Variants in GRIK1 observed in about 807,000 individuals in gnomAD.
GRIK1 encodes glutamate receptor ionotropic, kainate 1.
A neutral mutation model predicts 105.7 loss-of-function variants in GRIK1; 69 were observed. The observed-to-expected ratio is 0.65, with a 90% CI of 0.54 to 0.80. The LOEUF is 0.80. Among genes scored for constraint, GRIK1 ranks in the 30% least tolerant of loss-of-function variants. GRIK1 has a pLI of 0.00. For missense variants in GRIK1, 1,109 were observed against 1,167.3 expected, an observed-to-expected ratio of 0.95 and a Z score of 0.73; for synonymous variants, 438 against 431.3, an observed-to-expected ratio of 1.02 and a Z score of -0.19.
intron 1 of GRIK1, among the ~76,000 whole-genome samples, chr21:29,847,223 A>G (rs551131297): frequency 5.3e-5 from 8 of 151,498 alleles, no homozygotes; most frequent in African/African-American, 1.9e-4. Context: ...TCATTTTTCT[A>G]TTTTGCCTTC....
intron 3 of GRIK1, among the ~76,000 whole-genome samples, chr21:29,684,555 T>G (rs1025229879): frequency 6.6e-6 from 1 of 152,186 alleles, no homozygotes; most frequent in South Asian, 2.1e-4. Context: ...ACGCCCAGGC[T>G]GGAGTGCAGT....
chr21:29,591,279 C>T, intron 9 of GRIK1, 54 bp from the exon 10 acceptor site: 1 of 1,005,372 alleles, frequency 9.9e-7, no homozygotes. Flanking sequence ...GGCATTTACA[C>T]CAAAGAGAGG....
At chr21:29,578,503 G>A (rs867383388) in intron 13 of GRIK1, among the ~76,000 whole-genome samples, 23 of 152,272 alleles carry the variant, frequency 1.5e-4, no homozygotes, top group Middle Eastern at 3.4e-3. Context: ...ATCAGATCAA[G>A]GTCGCCAGAG....
chr21:29,718,069 G>C (rs1271380493), intron 1 of GRIK1, among the ~76,000 whole-genome samples: 1 of 152,118 alleles, frequency 6.6e-6, no homozygotes, highest in East Asian at 1.9e-4. Context: ...TGTGAAGAAG[G>C]ATGTGTTTGC....
intron 7 of GRIK1, among the ~76,000 whole-genome samples, chr21:29,620,802 T>TATAG (rs1555851180): frequency 0.017 from 2,117 of 127,356 alleles, 26 homozygotes; most frequent in South Asian, 0.035. Context: ...TCTATATATA[T>TATAG]ATAGATATAT....
intron 1 of GRIK1, among the ~76,000 whole-genome samples, chr21:29,806,467 A>G (rs1157386676): frequency 2.6e-5 from 4 of 152,094 alleles, no homozygotes; most frequent in Non-Finnish European, 5.9e-5. Context: ...TCATTTTGGC[A>G]TTATTTTCCC....
Position 29,838,002 on chromosome 21 carries a change from T to A in GRIK1, c.118+101381A>T, listed in dbSNP as rs1335574322. 2.6e-5 allele frequency among the ~76,000 whole-genome samples: 4 copies of A among 152,198 alleles called. No homozygotes were observed. In the East Asian group the frequency reaches 7.7e-4, roughly 29 times the overall value. ...AATAGGTTTGATTATACACTAAGAATCTGAAGAGGAAGATGGTTCAAAAAG... is the reference window on the plus strand; with the variant it reads ...AATAGGTTTGATTATACACTAAGAAACTGAAGAGGAAGATGGTTCAAAAAG... On this transcript the variant is annotated intron_variant, in intron 1 of 17. Coordinates refer to ENST00000327783, the MANE Select transcript of GRIK1 (RefSeq NM_001330994.2).
chr21:29,789,857 C>T (rs963435345), intron 1 of GRIK1, among the ~76,000 whole-genome samples: 1 of 151,998 alleles, frequency 6.6e-6, no homozygotes, highest in African/African-American at 2.4e-5. Context: ...TGTTTATTTC[C>T]GTGTTGTGAA....
At chr21:29,758,555 T>A (rs1477033815) in intron 1 of GRIK1, among the ~76,000 whole-genome samples, 1 of 152,182 alleles carries the variant, frequency 6.6e-6, no homozygotes, top group African/African-American at 2.4e-5. Context: ...CAATTCAAGA[T>A]GAGATTTGGG....
At chr21:29,608,836 G>T (rs968733050) in intron 7 of GRIK1, among the ~76,000 whole-genome samples, 1 of 152,040 alleles carries the variant, frequency 6.6e-6, no homozygotes, top group Non-Finnish European at 1.5e-5. Flanking sequence ...GGATATTAAG[G>T]TGTCACTTAG....
chr21:29,585,831 T>G (rs1305502888), intron 12 of GRIK1, among the ~76,000 whole-genome samples: 2 of 152,214 alleles, frequency 1.3e-5, no homozygotes, highest in African/African-American at 4.8e-5. Context: ...TTTTTAAAAA[T>G]TTTATACCCA....
chr21:29,538,401 G>A (rs1381387985), intron 16 of GRIK1, among the ~76,000 whole-genome samples: 1 of 152,134 alleles, frequency 6.6e-6, no homozygotes, highest in Non-Finnish European at 1.5e-5. Flanking sequence ...AATGGTAGTT[G>A]CCAAAGGCTG....
chr21:29,723,182 A>T (rs1420753072), intron 1 of GRIK1, among the ~76,000 whole-genome samples: 5 of 152,226 alleles, frequency 3.3e-5, no homozygotes, highest in African/African-American at 4.8e-5. Context: ...TAAAATTTAT[A>T]GTTTGGAAAT....
intron 1 of GRIK1, among the ~76,000 whole-genome samples, chr21:29,722,079 T>C (rs2064336796): frequency 6.6e-6 from 1 of 152,170 alleles, no homozygotes. Context: ...TTAGGTCTTA[T>C]TAAAATAAAT....
chr21:29,878,902 G>A lies in GRIK1; in HGVS notation c.118+60481C>T, dbSNP rs117806749. 8.3e-3 allele frequency among the ~76,000 whole-genome samples: 1,256 copies of A among 152,138 alleles called. 4 individuals carry two copies. Among genetic ancestry groups the A allele is most frequent in the Non-Finnish European group, 0.013 (870 of 67,970 alleles). On this transcript the variant is annotated intron_variant, in intron 1 of 17. Coordinates refer to ENST00000327783, the MANE Select transcript of GRIK1 (RefSeq NM_001330994.2). ...GGTCCTTTGTCATGGGCCCTCACCA[G>A]TCACCAAATTTGCCAGCGCCTTGAT... is the stretch of plus-strand genomic sequence containing the variant.
At chr21:29,805,278 C>G (rs1320091841) in intron 1 of GRIK1, among the ~76,000 whole-genome samples, 1 of 152,122 alleles carries the variant, frequency 6.6e-6, no homozygotes, top group Non-Finnish European at 1.5e-5. Context: ...AAGCCTGGAA[C>G]TGCTGCAGCC....
chr21:29,845,729 C>T (rs545694972), intron 1 of GRIK1, among the ~76,000 whole-genome samples: 18 of 151,742 alleles, frequency 1.2e-4, no homozygotes, highest in Admixed American at 3.3e-4. Context: ...CTTTAAATTT[C>T]CTGGCACTAT....
intron 1 of GRIK1, among the ~76,000 whole-genome samples, chr21:29,800,191 C>T (rs2066664862): frequency 6.6e-6 from 1 of 152,148 alleles, no homozygotes; most frequent in Non-Finnish European, 1.5e-5. Flanking sequence ...TTTCTTAAAG[C>T]CTACATAGCC....
At chr21:29,641,398 C>T (rs60705227) in intron 7 of GRIK1, among the ~76,000 whole-genome samples, 1 of 152,142 alleles carries the variant, frequency 6.6e-6, no homozygotes, top group Non-Finnish European at 1.5e-5. Flanking sequence ...TGTAGACATG[C>T]CTTTCACTTT....
Sources: gnomAD v4.1 joint callset for allele counts (sites outside exome capture counted in the v4.1 genomes callset) on GRCh38, gnomAD v4.1.1 for gene constraint, MANE v1.5 for transcripts, NCBI Gene and HGNC (gene_info 2026-07-23, HGNC 2026-07-21) for gene names.